Variants in NTM observed in about 807,000 individuals in gnomAD.
NTM encodes the protein IgLON family member 2.
NTM carries 13 observed loss-of-function variants against 42.1 expected under a neutral mutation model. That is an observed-to-expected ratio of 0.31 (90% confidence interval 0.20 to 0.49). The LOEUF (loss-of-function observed/expected upper bound fraction) is 0.49, where lower values mean the gene tolerates loss of function less well. Among genes scored for constraint, NTM ranks in the 20% least tolerant of loss-of-function variants. NTM has a pLI of 0.99. For synonymous variants in NTM, 187 were observed against 179.2 expected (o/e 1.04, Z -0.35); for missense variants, 373 against 452.8 (o/e 0.82, Z 1.60).
chr11:132,211,268 T>C (rs899830404), intron 3 of NTM, among the ~76,000 whole-genome samples: 1 of 152,140 alleles, frequency 6.6e-6, no homozygotes, highest in East Asian at 1.9e-4. Flanking sequence ...TAACAAGGAA[T>C]GGCGGCACAT....
In NTM at chr11:132,023,304, A is replaced by G. The variant is rs148385402; in HGVS notation, c.167+111656A>G. On this transcript the variant is annotated intron_variant, in intron 2 of 8. Coordinates refer to ENST00000683400, the MANE Select transcript of NTM (RefSeq NM_001352005.2). ...TTTTGGGGCAGAGAGGAGCCAAAAT[A>G]ATGTTGGAAAATTAAACCTCTCTTA... is the stretch of plus-strand genomic sequence containing the variant. Among the ~76,000 whole-genome samples, 6 of 152,304 alleles carry G rather than the reference A, an allele frequency of 3.9e-5. No homozygotes were observed. The East Asian group carries it at 1.2e-3, about 29-fold the overall frequency.
At chr11:132,090,773 C>T (rs549703298) in intron 2 of NTM, among the ~76,000 whole-genome samples, 44 of 152,278 alleles carry the variant, frequency 2.9e-4, no homozygotes, top group African/African-American at 1.0e-3. Context: ...CTCCTTACCC[C>T]ACTGTCCTCC....
At chr11:131,884,114 A>G (rs537620711) in intron 1 of NTM, among the ~76,000 whole-genome samples, 2 of 152,330 alleles carry the variant, frequency 1.3e-5, no homozygotes, top group South Asian at 4.1e-4. Flanking sequence ...TATGGATAAA[A>G]ACACTAAAAA....
At chr11:131,434,075 G>T (rs1948917145) in intron 1 of NTM, among the ~76,000 whole-genome samples, 1 of 152,144 alleles carries the variant, frequency 6.6e-6, no homozygotes, top group South Asian at 2.1e-4. Flanking sequence ...GTGATAGTTT[G>T]CTCAGAATGA....
chr11:131,960,319 C>T (rs557203158), intron 2 of NTM, among the ~76,000 whole-genome samples: 26 of 152,312 alleles, frequency 1.7e-4, no homozygotes, highest in Admixed American at 9.8e-4. Context: ...CCTACATGAT[C>T]GTTAGGACTT....
intron 1 of NTM, among the ~76,000 whole-genome samples, chr11:131,755,530 C>T (rs917055223): frequency 6.6e-6 from 1 of 152,064 alleles, no homozygotes; most frequent in African/African-American, 2.4e-5. Context: ...TAAGTATGTC[C>T]CATGCAATAT....
chr11:132,293,718 A>G (rs2094528001), intron 4 of NTM, among the ~76,000 whole-genome samples: 1 of 151,950 alleles, frequency 6.6e-6, no homozygotes, highest in African/African-American at 2.4e-5. Context: ...ATTGAGTATC[A>G]ATCAAAAGGA....
chr11:131,507,782 A>C (rs2047682240), intron 1 of NTM, among the ~76,000 whole-genome samples: 2 of 149,080 alleles, frequency 1.3e-5, no homozygotes, highest in South Asian at 2.2e-4. Context: ...CATCCCTTGT[A>C]AGTTGGATTC....
intron 4 of NTM, among the ~76,000 whole-genome samples, chr11:132,290,441 C>T (rs542132170): frequency 7.2e-5 from 11 of 152,086 alleles, no homozygotes; most frequent in East Asian, 5.8e-4. Context: ...TTAATAAGGA[C>T]GGTGTCCTTC....
At chr11:132,205,610 A>G (rs999297918) in intron 3 of NTM, among the ~76,000 whole-genome samples, 9 of 152,042 alleles carry the variant, frequency 5.9e-5, no homozygotes, top group African/African-American at 2.2e-4. Flanking sequence ...TTCGGTTTCT[A>G]TAATTGGTAT....
At chr11:132,174,780 A>T in intron 3 of NTM, among the ~76,000 whole-genome samples, 1 of 151,360 alleles carries the variant, frequency 6.6e-6, no homozygotes, top group Non-Finnish European at 1.5e-5. Context: ...TTAAACCACG[A>T]TCGCCTTGGA....
chr11:131,687,071 A>G (rs2134949872), intron 1 of NTM, among the ~76,000 whole-genome samples: 1 of 152,162 alleles, frequency 6.6e-6, no homozygotes, highest in African/African-American at 2.4e-5. Flanking sequence ...GAGCTGGGAA[A>G]CACTCACCTC....
intron 1 of NTM, among the ~76,000 whole-genome samples, chr11:131,609,674 G>A (rs141949409): frequency 3.3e-5 from 5 of 152,228 alleles, no homozygotes; most frequent in African/African-American, 1.2e-4. Flanking sequence ...CCAAGCCCTG[G>A]GTCTGACCCT....
chr11:132,279,769 C>T (rs1332069039), intron 4 of NTM, among the ~76,000 whole-genome samples: 2 of 152,116 alleles, frequency 1.3e-5, no homozygotes, highest in Non-Finnish European at 2.9e-5. Flanking sequence ...CCAAAATTAA[C>T]ACACACAAGA....
At chr11:131,727,935 A>G (rs2079151875) in intron 1 of NTM, among the ~76,000 whole-genome samples, 1 of 152,212 alleles carries the variant, frequency 6.6e-6, no homozygotes, top group Non-Finnish European at 1.5e-5. Flanking sequence ...TTATTAGAAA[A>G]TAAGCTGCAT....
chr11:132,196,137 C>T (rs1475155246), intron 3 of NTM, among the ~76,000 whole-genome samples: 3 of 151,994 alleles, frequency 2.0e-5, no homozygotes, highest in Non-Finnish European at 4.4e-5. Context: ...AGGCGAAGGA[C>T]ATGAGCAGAT....
intron 2 of NTM, among the ~76,000 whole-genome samples, chr11:132,014,372 T>G (rs2072925168): frequency 6.6e-6 from 1 of 152,116 alleles, no homozygotes; most frequent in African/African-American, 2.4e-5. Context: ...AGCTATCCCT[T>G]TGATAAACTG....
chr11:131,789,769 A>G (rs1403579415), intron 1 of NTM, among the ~76,000 whole-genome samples: 2 of 146,396 alleles, frequency 1.4e-5, no homozygotes, highest in African/African-American at 2.5e-5. Flanking sequence ...ATCCTGGCTA[A>G]CACGGTGAAA....
chr11:131,639,107 C>A (rs1463649937), intron 1 of NTM, among the ~76,000 whole-genome samples: 1 of 152,192 alleles, frequency 6.6e-6, no homozygotes, highest in Non-Finnish European at 1.5e-5. Flanking sequence ...AGAGTTCAAA[C>A]CTGGCCACGT....
Sources: allele counts gnomAD v4.1 joint callset (sites outside exome capture counted in the v4.1 genomes callset), GRCh38; gene constraint gnomAD v4.1.1; transcripts MANE v1.5; gene names NCBI Gene and HGNC (gene_info 2026-07-23, HGNC 2026-07-21).